PAMR1: variants seen among roughly 807,000 people sequenced by gnomAD.
The protein encoded by PAMR1 is inactive serine protease PAMR1.
A neutral mutation model predicts 81.8 loss-of-function variants in PAMR1; 88 were observed. The observed-to-expected ratio is 1.08, with a 90% CI of 0.91 to 1.28. PAMR1 has a LOEUF of 1.28. Among genes scored for constraint, PAMR1 ranks in the 50% most tolerant of loss-of-function variants. The pLI is 0.00. For synonymous variants in PAMR1, 336 were observed against 345.3 expected (o/e 0.97, Z 0.30); for missense variants, 935 against 919.7 (o/e 1.02, Z -0.21).
At chr11:35,466,912 G>A (rs1182386382) in intron 6 of PAMR1, among the ~76,000 whole-genome samples, 1 of 151,816 alleles carries the variant, frequency 6.6e-6, no homozygotes, top group Non-Finnish European at 1.5e-5. Context: ...TGTTTCTGTG[G>A]GCCCTTTTCC....
intron 6 of PAMR1, among the ~76,000 whole-genome samples, chr11:35,460,639 A>C (rs1204384216): frequency 1.3e-5 from 2 of 152,104 alleles, no homozygotes; most frequent in African/African-American, 2.4e-5. Context: ...CCATGTCCCT[A>C]CAAAGGACAT....
At chr11:35,510,556 A>C (rs763266205) in intron 1 of PAMR1, among the ~76,000 whole-genome samples, 1 of 151,622 alleles carries the variant, frequency 6.6e-6, no homozygotes, top group African/African-American at 2.4e-5. Context: ...AGTCTAAATA[A>C]GGAAATTAAA....
chr11:35,514,872 G>A (rs1362311407), intron 1 of PAMR1, among the ~76,000 whole-genome samples: 1 of 152,058 alleles, frequency 6.6e-6, no homozygotes, highest in African/African-American at 2.4e-5. Flanking sequence ...GGGCATGGTG[G>A]TACACAACTG....
rs780673464 is a variant in PAMR1 at position 35,470,763 on chromosome 11, C to A, written c.550G>T (p.Val184Phe). Residue 184 changes from valine (V) to phenylalanine (F), a missense_variant, in exon 5 of 11, where the codon GTT becomes TTT. Coordinates refer to ENST00000619888, the MANE Select transcript of PAMR1 (RefSeq NM_001001991.3). The stretch of plus-strand genomic sequence containing the variant: ...CCATCGCGGTTGTCTCCATCACGAA[C>A]CTCAACATAGTCATACTGGCACATG... ...DYMCQYDYVE[V>F]RDGDNRDGQI... The A allele has an allele frequency of 3.1e-6, 5 of 1,614,000 alleles. No homozygotes were observed. In the South Asian group the frequency reaches 3.3e-5, roughly 11 times the overall value.
At chr11:35,469,346 C>G (rs78160672) in intron 5 of PAMR1, among the ~76,000 whole-genome samples, 6 of 152,132 alleles carry the variant, frequency 3.9e-5, no homozygotes, top group Non-Finnish European at 5.9e-5. Context: ...TTCAGAGGAG[C>G]AAGACATTCT....
At chr11:35,510,092 C>G (rs569973902) in intron 1 of PAMR1, among the ~76,000 whole-genome samples, 18 of 152,284 alleles carry the variant, frequency 1.2e-4, no homozygotes, top group Non-Finnish European at 2.5e-4. Flanking sequence ...ACTAGCTCTT[C>G]CATTGGATAA....
intron 3 of PAMR1, among the ~76,000 whole-genome samples, chr11:35,476,690 T>C (rs574722061): frequency 6.6e-6 from 1 of 152,232 alleles, no homozygotes; most frequent in East Asian, 1.9e-4. Context: ...CCACCTAGCA[T>C]CCAAAGCCAC....
At chr11:35,491,912 G>A (rs992050622) in intron 3 of PAMR1, 133 bp downstream of exon 3, 2 of 753,200 alleles carry the variant, frequency 2.7e-6, no homozygotes, top group African/African-American at 1.8e-5. Flanking sequence ...TGTTTTTATA[G>A]TTTTACCTAG....
At chr11:35,479,929 A>C (rs1167577347) in intron 3 of PAMR1, among the ~76,000 whole-genome samples, 1 of 152,194 alleles carries the variant, frequency 6.6e-6, no homozygotes, top group South Asian at 2.1e-4. Context: ...GTTCATAGTA[A>C]GTACTACGTG....
chr11:35,523,686 C>T (rs916798175), intron 1 of PAMR1, among the ~76,000 whole-genome samples: 1 of 152,236 alleles, frequency 6.6e-6, no homozygotes, highest in African/African-American at 2.4e-5. Context: ...GAGTGGACTT[C>T]CTTCACTCCT....
chr11:35,526,569 C>T (rs1851395631), upstream of PAMR1, among the ~76,000 whole-genome samples: 1 of 152,204 alleles, frequency 6.6e-6, no homozygotes, highest in African/African-American at 2.4e-5. Context: ...AACCTAGCCT[C>T]TGTATTTTAC....
chr11:35,494,897 A>G (rs1183221597), intron 1 of PAMR1, among the ~76,000 whole-genome samples: 2 of 152,276 alleles, frequency 1.3e-5, no homozygotes, highest in African/African-American at 4.8e-5. Context: ...TGGATTGACA[A>G]TAGAACCTGT....
chr11:35,473,464 A>G (rs1346358035), intron 4 of PAMR1, among the ~76,000 whole-genome samples: 2 of 152,018 alleles, frequency 1.3e-5, no homozygotes, highest in Non-Finnish European at 2.9e-5. Flanking sequence ...TTTAACACCT[A>G]CCTTTATCAT....
intron 6 of PAMR1, among the ~76,000 whole-genome samples, chr11:35,456,812 T>C (rs1856542693): frequency 6.6e-6 from 1 of 152,192 alleles, no homozygotes; most frequent in Admixed American, 6.5e-5. Flanking sequence ...CACTGCAGTC[T>C]CCACTCACTC....
intron 6 of PAMR1, among the ~76,000 whole-genome samples, chr11:35,467,276 G>T (rs963883960): frequency 7.9e-5 from 12 of 152,120 alleles, no homozygotes; most frequent in African/African-American, 2.9e-4. Flanking sequence ...GCTTCCCCAG[G>T]GAGCCTGTCC....
chr11:35,457,590 T>A (rs1365599616), intron 6 of PAMR1, among the ~76,000 whole-genome samples: 4 of 152,152 alleles, frequency 2.6e-5, no homozygotes, highest in African/African-American at 9.7e-5. Flanking sequence ...TTAAGTTAGC[T>A]CCTCAAGGAA....
intron 1 of PAMR1, among the ~76,000 whole-genome samples, chr11:35,520,697 A>AG (rs1345659893): frequency 6.6e-6 from 1 of 152,112 alleles, no homozygotes; most frequent in African/African-American, 2.4e-5. Flanking sequence ...CTCCCCAATG[A>AG]GGGGGGAATG....
At chr11:35,464,319 T>C (rs1207831936) in intron 6 of PAMR1, among the ~76,000 whole-genome samples, 9 of 152,184 alleles carry the variant, frequency 5.9e-5, no homozygotes, top group African/African-American at 1.9e-4. Context: ...AATACCAACA[T>C]GGACTGATCT....
Position 35,450,292 on chromosome 11 carries a change from C to G in PAMR1, c.821-8599G>C, listed in dbSNP as rs190959021. 5.9e-5 allele frequency among the ~76,000 whole-genome samples: 9 copies of G among 152,200 alleles called. No individual in the cohort carries two copies. The East Asian group carries it at 1.7e-3, about 29-fold the overall frequency. ...ACTCTAAGACCGTCCATAGACTATGCGTAAGTTAATCTCAATGACACTCTG... is the reference window on the plus strand; with the variant it reads ...ACTCTAAGACCGTCCATAGACTATGGGTAAGTTAATCTCAATGACACTCTG... On this transcript the variant is annotated intron_variant, in intron 6 of 10. Transcript: ENST00000619888.
Sources: allele counts gnomAD v4.1 joint callset (sites outside exome capture counted in the v4.1 genomes callset), GRCh38; gene constraint gnomAD v4.1.1; transcripts MANE v1.5; gene names NCBI Gene and HGNC (gene_info 2026-07-23, HGNC 2026-07-21).